The following PDK1 variants were observed in gnomAD, a reference collection of about 807,000 sequenced individuals.
The protein encoded by PDK1 is pyruvate dehydrogenase kinase 1.
PDK1 carries 39 observed loss-of-function variants against 54.2 expected under a neutral mutation model. The observed-to-expected ratio is 0.72, with a 90% CI of 0.56 to 0.94. The LOEUF is 0.94. Among genes scored for constraint, PDK1 ranks in the 40% least tolerant of loss-of-function variants. The pLI is 0.00. For missense variants in PDK1, 552 were observed against 566.0 expected, an observed-to-expected ratio of 0.98 and a Z score of 0.25; for synonymous variants, 221 against 207.1, an observed-to-expected ratio of 1.07 and a Z score of -0.58.
At chr2:172,615,125 G>A in the PDK1 span, among the ~76,000 whole-genome samples, 2 of 152,204 alleles carry the variant, frequency 1.3e-5, no homozygotes, top group African/African-American at 2.4e-5. Context: ...CCTGCCGCAA[G>A]GGGTTGAGCA....
chr2:172,695,087 C>T, the PDK1 span, among the ~76,000 whole-genome samples: 1 of 152,152 alleles, frequency 6.6e-6, no homozygotes, highest in Non-Finnish European at 1.5e-5. Flanking sequence ...CACTGCACTC[C>T]AGTCTGGGTG....
chr2:172,586,152 C>CT (rs1265508203), intron 8 of PDK1, 126 bp from the exon 9 acceptor site: 3 of 526,194 alleles, frequency 5.7e-6, no homozygotes, highest in East Asian at 7.0e-5. Flanking sequence ...AAGCGAGACT[C>CT]TGTCTCAAAA....
chr2:172,670,371 T>A, the PDK1 span, among the ~76,000 whole-genome samples: 1 of 152,240 alleles, frequency 6.6e-6, no homozygotes, highest in African/African-American at 2.4e-5. Context: ...TAATTTAATT[T>A]ATGAAATCTA....
At chr2:172,718,972 T>C in the PDK1 span, among the ~76,000 whole-genome samples, 1 of 152,204 alleles carries the variant, frequency 6.6e-6, no homozygotes, top group Non-Finnish European at 1.5e-5. Flanking sequence ...AAAATTGGTT[T>C]TTTTTAGTCA....
the PDK1 span, among the ~76,000 whole-genome samples, chr2:172,651,237 C>T: frequency 2.6e-5 from 4 of 152,156 alleles, no homozygotes; most frequent in African/African-American, 7.2e-5. Flanking sequence ...GGGTACATAA[C>T]GAAATGAAGG....
chr2:172,631,084 C>T, the PDK1 span, among the ~76,000 whole-genome samples: 36 of 152,178 alleles, frequency 2.4e-4, no homozygotes, highest in African/African-American at 8.4e-4. Context: ...GACAAAGTTT[C>T]AGCTTTATTT....
At chr2:172,635,922 C>T in the PDK1 span, among the ~76,000 whole-genome samples, 34 of 152,224 alleles carry the variant, frequency 2.2e-4, no homozygotes, top group Non-Finnish European at 4.1e-4. Context: ...CGTACCTTGC[C>T]TTGGCTTTCC....
At chr2:172,714,057 A>G in the PDK1 span, among the ~76,000 whole-genome samples, 1 of 152,258 alleles carries the variant, frequency 6.6e-6, no homozygotes, top group Non-Finnish European at 1.5e-5. Flanking sequence ...AGATCTGGGA[A>G]CAAAACACTG....
chr2:172,578,682 C>T (rs1689713193), intron 8 of PDK1, among the ~76,000 whole-genome samples: 1 of 149,722 alleles, frequency 6.7e-6, no homozygotes, highest in South Asian at 2.1e-4. Flanking sequence ...ATTTTGACAG[C>T]TCTGCAGATC....
chr2:172,633,323 C>T, the PDK1 span, among the ~76,000 whole-genome samples: 1 of 149,950 alleles, frequency 6.7e-6, no homozygotes, highest in East Asian at 2.0e-4. Context: ...ACTGGGATTA[C>T]AAGTGTGAAC....
the PDK1 span, chr2:172,677,639 A>G: frequency 8.9e-4 from 135 of 152,340 alleles, no homozygotes; most frequent in African/African-American, 3.2e-3. Context: ...ATTATTGCCT[A>G]GACATTTCAC....
the PDK1 span, among the ~76,000 whole-genome samples, chr2:172,630,831 T>C: frequency 5.3e-5 from 8 of 152,294 alleles, no homozygotes; most frequent in South Asian, 6.2e-4. Context: ...GGTTTTGCCA[T>C]GTTGGCCAGG....
At chr2:172,572,496 G>A (rs1046626797) in intron 8 of PDK1, among the ~76,000 whole-genome samples, 6 of 152,134 alleles carry the variant, frequency 3.9e-5, no homozygotes, top group Admixed American at 3.9e-4. Context: ...AGGCCAAGTT[G>A]GGCAGATTGC....
the PDK1 span, chr2:172,723,653 G>C: frequency 4.6e-5 from 7 of 152,186 alleles, no homozygotes; most frequent in Admixed American, 4.6e-4. Flanking sequence ...TTGAGTCCTG[G>C]ATAACACAAG....
the PDK1 span, among the ~76,000 whole-genome samples, chr2:172,631,067 A>G: frequency 6.6e-6 from 1 of 152,354 alleles, no homozygotes; most frequent in African/African-American, 2.4e-5. Flanking sequence ...ATCTTTATAT[A>G]TAGGTTGACA....
chr2:172,581,862 G>C (rs1284775962), intron 8 of PDK1, among the ~76,000 whole-genome samples: 1 of 152,048 alleles, frequency 6.6e-6, no homozygotes, highest in Admixed American at 6.6e-5. Context: ...TCTGTGTTTA[G>C]TATATAATCT....
At chr2:172,679,299 T>G in the PDK1 span, among the ~76,000 whole-genome samples, 1 of 151,836 alleles carries the variant, frequency 6.6e-6, no homozygotes, top group Non-Finnish European at 1.5e-5. Flanking sequence ...TTTTAAAGAT[T>G]GGTCAGGTGT....
At chr2:172,588,952 C>G (rs951244690) in intron 9 of PDK1, among the ~76,000 whole-genome samples, 1 of 152,212 alleles carries the variant, frequency 6.6e-6, no homozygotes, top group Non-Finnish European at 1.5e-5. Flanking sequence ...GGTTTACTTT[C>G]ACTGCTGTCT....
the PDK1 span, among the ~76,000 whole-genome samples, chr2:172,706,509 T>C: frequency 6.6e-6 from 1 of 151,972 alleles, no homozygotes; most frequent in Non-Finnish European, 1.5e-5. Flanking sequence ...ACTGCAGCCT[T>C]GACCTTGTCA....
Sources: allele counts gnomAD v4.1 joint callset (sites outside exome capture counted in the v4.1 genomes callset), GRCh38; gene constraint gnomAD v4.1.1; transcripts MANE v1.5; gene names NCBI Gene and HGNC (gene_info 2026-07-23, HGNC 2026-07-21).